Variants in SPTSSB observed in about 807,000 individuals in gnomAD.
SPTSSB encodes serine palmitoyltransferase small subunit B.
Under a neutral mutation model 7.7 loss-of-function variants are expected in SPTSSB, and 6 were observed. The observed-to-expected ratio is 0.78, with a 90% CI of 0.43 to 1.54. SPTSSB has a LOEUF of 1.54. SPTSSB is among the 40% of genes most tolerant of loss of function. The pLI, the probability that SPTSSB is intolerant of heterozygous loss-of-function variation, is 0.01. For synonymous variants in SPTSSB, 28 were observed against 29.7 expected (o/e 0.94, Z 0.19); for missense variants, 91 against 93.0 (o/e 0.98, Z 0.09).
chr3:161,364,373 T>C (rs1423966979), intron 1 of SPTSSB, among the ~76,000 whole-genome samples: 2 of 152,202 alleles, frequency 1.3e-5, no homozygotes, highest in South Asian at 2.1e-4. Flanking sequence ...AAAATGTTTT[T>C]GAGCGAGATT....
At position 161,345,258 on chromosome 3, in the gene SPTSSB, G is replaced by C. The variant is rs1011199023; in HGVS notation, c.*835C>G. The C allele has an allele frequency of 6.6e-6, 1 of 152,430 alleles. No homozygotes were observed. Among genetic ancestry groups the C allele is most frequent in the East Asian group, 1.9e-4 (1 of 5,190 alleles). 9.4% of individuals were successfully genotyped at this position (152,430 alleles called of 1,614,324 possible). A position where few individuals can be genotyped will look rare whatever the true frequency, so the allele number is the denominator to read the frequency against. On this transcript the variant is annotated 3_prime_UTR_variant, in exon 3 of 3. Coordinates refer to ENST00000620149, the MANE Select transcript of SPTSSB (RefSeq NM_001040100.2). ...CAGCCTATTTATTAGCTTGTCTTCC[G>C]GTGGCCCAATACATGCTTTTTTCCC...
chr3:161,371,387 T>A, intron 1 of SPTSSB, 48 bp downstream of exon 1: 1 of 979,412 alleles, frequency 1.0e-6, no homozygotes, highest in Non-Finnish European at 1.2e-6. Flanking sequence ...AATTCTATCC[T>A]ACTAAAGCTA....
At chr3:161,363,964 A>AG (rs1439704665) in intron 1 of SPTSSB, among the ~76,000 whole-genome samples, 2 of 39,690 alleles carry the variant, frequency 5.0e-5, no homozygotes, top group Non-Finnish European at 8.4e-5. Flanking sequence ...ATGGTACATG[A>AG]AAAAAAAAAT....
intron 1 of SPTSSB, among the ~76,000 whole-genome samples, chr3:161,364,183 A>G (rs1477222601): frequency 6.6e-6 from 1 of 152,028 alleles, no homozygotes; most frequent in Non-Finnish European, 1.5e-5. Context: ...GCCTAGTAAC[A>G]ACGCCAGAAT....
At chr3:161,364,880 T>G (rs532721062) in intron 1 of SPTSSB, among the ~76,000 whole-genome samples, 3 of 151,714 alleles carry the variant, frequency 2.0e-5, no homozygotes, top group Non-Finnish European at 2.9e-5. Context: ...GCTTTTTTCC[T>G]TCTTTCTTTT....
At chr3:161,351,727 G>A (rs1162930880) in intron 2 of SPTSSB, among the ~76,000 whole-genome samples, 1 of 151,950 alleles carries the variant, frequency 6.6e-6, no homozygotes, top group East Asian at 1.9e-4. Flanking sequence ...ATCTATTCTA[G>A]TTAATTCTAC....
At chr3:161,370,655 T>C (rs913944571) in intron 1 of SPTSSB, among the ~76,000 whole-genome samples, 2 of 152,230 alleles carry the variant, frequency 1.3e-5, no homozygotes, top group Non-Finnish European at 2.9e-5. Context: ...ATGCAGTTAT[T>C]TGGACTTTGG....
At chr3:161,347,459 A>T (rs1714302698) in intron 2 of SPTSSB, among the ~76,000 whole-genome samples, 1 of 151,666 alleles carries the variant, frequency 6.6e-6, no homozygotes, top group Non-Finnish European at 1.5e-5. Context: ...ATGGGGTTTC[A>T]CCATGTTGGC....
chr3:161,359,589 G>T (rs1714922074), intron 2 of SPTSSB: 1 of 428,734 alleles, frequency 2.3e-6, no homozygotes, highest in South Asian at 9.6e-5. Flanking sequence ...AAGGAACTTG[G>T]AATATCCGTA....
At chr3:161,352,665 T>A (rs1207491765) in intron 2 of SPTSSB, among the ~76,000 whole-genome samples, 1 of 152,178 alleles carries the variant, frequency 6.6e-6, no homozygotes, top group Non-Finnish European at 1.5e-5. Flanking sequence ...TACTTAATAT[T>A]TCCACAGCAC....
At chr3:161,356,981 C>T (rs1294796749) in intron 2 of SPTSSB, among the ~76,000 whole-genome samples, 3 of 149,374 alleles carry the variant, frequency 2.0e-5, no homozygotes, top group Non-Finnish European at 4.4e-5. Context: ...GACTCTGTCT[C>T]AAAAAGAAAA....
rs758676773 is a variant in SPTSSB at position 161,346,107 on chromosome 3, T to G, written c.217A>C (p.Thr73Pro). The G allele has an allele frequency of 1.1e-5, 17 of 1,557,276 alleles. No individual in the cohort carries two copies. In the South Asian group the frequency reaches 1.8e-4, roughly 16 times the overall value. Reference protein sequence around the residue: ...FFSKICGYHSTISN With the variant: ...FFSKICGYHSPISN ...TGTGAACAGGATCAATTAGAAATTG[T>G]ACTGTGATATCCACATATTTTTGAG... The change falls in exon 3 of 3, where the codon ACA becomes CCA. Residue 73 changes from threonine (T) to proline (P), a missense_variant. By Grantham distance (38) the Thr-to-Pro change is conservative. Transcript: ENST00000620149.
intron 2 of SPTSSB, among the ~76,000 whole-genome samples, chr3:161,349,236 T>G (rs1290756782): frequency 1.3e-5 from 2 of 151,976 alleles, no homozygotes; most frequent in South Asian, 4.2e-4. Context: ...CAGTGATCGA[T>G]GGCCCAGGAA....
rs753142278 is a variant in SPTSSB, at chr3:161,346,339, G to A, written c.-16C>T. On this transcript the variant is annotated 5_prime_UTR_variant, in exon 3 of 3. Transcript: ENST00000620149. ...TCAAATCCATGGTTGGCTCCTTCAA[G>A]CTGCAGTAAGTTTGTCCTGTTAAAG... 2 of 1,550,070 alleles carry A rather than the reference G, an allele frequency of 1.3e-6. No homozygotes were observed. Among genetic ancestry groups the A allele is most frequent in the African/African-American group, 2.7e-5 (2 of 73,690 alleles).
intron 2 of SPTSSB, 50 bp from the exon 3 acceptor site, chr3:161,346,405 A>G: frequency 1.1e-6 from 1 of 897,804 alleles, no homozygotes; most frequent in Non-Finnish European, 1.8e-6. Context: ...ACATAGAATC[A>G]CTTTAAAATT....
intron 1 of SPTSSB, among the ~76,000 whole-genome samples, chr3:161,368,429 C>CT (rs35828837): frequency 1.2e-3 from 162 of 134,780 alleles, no homozygotes; most frequent in African/African-American, 2.2e-3. Context: ...ATCTTACCTT[C>CT]TTTTTTTTTT....
rs530924182 is a variant in SPTSSB, at chr3:161,365,014, A to AC, written c.-125-5121dup. 8.3e-4 allele frequency among the ~76,000 whole-genome samples: 127 copies of AC among 152,284 alleles called. 2 individuals carry two copies. The South Asian group carries it at 0.025, about 30-fold the overall frequency. ...TTTAGCTTGGAATTACTAATTGACA[A>AC]CCTTTGATCTTATAATGGAGCTGAA... is the stretch of plus-strand genomic sequence containing the variant. On this transcript the variant is annotated intron_variant, in intron 1 of 2. Transcript: ENST00000620149.
Position 161,369,314 on chromosome 3 carries a change from C to CTTTCTTTCTT in SPTSSB, c.-126+2120_-126+2121insAAGAAAGAAA, listed in dbSNP as rs1278233391. 2.5e-3 allele frequency among the ~76,000 whole-genome samples: 165 copies of CTTTCTTTCTT among 65,716 alleles called. 3 individuals are homozygous for CTTTCTTTCTT. Among genetic ancestry groups the CTTTCTTTCTT allele is most frequent in the Admixed American group, 7.3e-3 (40 of 5,502 alleles). The allele number at this position is 65,716 out of a possible 152,430, so 43.1% of individuals were successfully genotyped here. ...TCTTTCTTTCTTTCTTTCTTTCTTT[C>CTTTCTTTCTT]TCTTTCTTTCTTTCTTTCTTTCTTT... On this transcript the variant is annotated intron_variant, in intron 1 of 2. Coordinates refer to ENST00000620149, the MANE Select transcript of SPTSSB (RefSeq NM_001040100.2).
intron 1 of SPTSSB, among the ~76,000 whole-genome samples, chr3:161,364,568 G>T (rs912599514): frequency 1.3e-5 from 2 of 151,802 alleles, no homozygotes; most frequent in African/African-American, 4.8e-5. Flanking sequence ...TTGATTAAAG[G>T]TCACACACAG....
Sources: allele counts gnomAD v4.1 joint callset (sites outside exome capture counted in the v4.1 genomes callset), GRCh38; gene constraint gnomAD v4.1.1; transcripts MANE v1.5; gene names NCBI Gene and HGNC (gene_info 2026-07-23, HGNC 2026-07-21).